The following BMPER variants were observed in gnomAD, a reference collection of about 807,000 sequenced individuals.
BMPER encodes the protein BMP-binding endothelial regulator protein.
Under a neutral mutation model 87.3 loss-of-function variants are expected in BMPER, and 45 were observed. The ratio of observed to expected loss-of-function variants is 0.52; its 90% CI spans 0.41 to 0.66. The LOEUF is 0.66. Ranked by LOEUF, BMPER falls within the 30% of genes least tolerant of loss-of-function variation. The pLI, the probability that BMPER is intolerant of heterozygous loss-of-function variation, is 0.00. For missense variants in BMPER, 784 were observed against 867.5 expected (o/e 0.90, Z 1.21); for synonymous variants, 326 against 316.2 (o/e 1.03, Z -0.33).
At chr7:34,023,874 T>C (rs920647076) in intron 6 of BMPER, among the ~76,000 whole-genome samples, 1 of 152,034 alleles carries the variant, frequency 6.6e-6, no homozygotes, top group East Asian at 1.9e-4. Flanking sequence ...ATTCACTTAA[T>C]GAAGCAGACC....
chr7:33,937,538 A>ATGTG, intron 3 of BMPER, 150 bp downstream of exon 3: 1 of 369,232 alleles, frequency 2.7e-6, no homozygotes, highest in South Asian at 3.6e-5. Context: ...GTGTGTGTGT[A>ATGTG]TGTGTGTGTT....
At chr7:34,111,424 G>T (rs1789959452) in intron 13 of BMPER, among the ~76,000 whole-genome samples, 4 of 152,222 alleles carry the variant, frequency 2.6e-5, no homozygotes, top group Non-Finnish European at 5.9e-5. Flanking sequence ...CAATTGGGTT[G>T]TCAAGACTTT....
At chr7:34,100,099 A>C (rs888739780) in intron 13 of BMPER, among the ~76,000 whole-genome samples, 1 of 152,094 alleles carries the variant, frequency 6.6e-6, no homozygotes, top group Non-Finnish European at 1.5e-5. Flanking sequence ...TTTGAGCCCT[A>C]TTAAATGCTA....
chr7:34,114,635 G>C (rs1439814347), intron 13 of BMPER, among the ~76,000 whole-genome samples: 1 of 152,214 alleles, frequency 6.6e-6, no homozygotes, highest in Non-Finnish European at 1.5e-5. Context: ...AGTGCAAAAT[G>C]TCATGAGGAA....
chr7:33,906,675 G>A, intron 1 of BMPER, 143 bp from the exon 2 acceptor site: 1 of 747,358 alleles, frequency 1.3e-6, no homozygotes. Context: ...GTTTTGCTTT[G>A]GTGAATTTAA....
At chr7:34,009,784 G>C (rs912969320) in intron 6 of BMPER, among the ~76,000 whole-genome samples, 8 of 151,882 alleles carry the variant, frequency 5.3e-5, no homozygotes, top group African/African-American at 1.7e-4. Flanking sequence ...GCAAGTTTCA[G>C]GCTTTATCTC....
chr7:33,909,477 A>C (rs1175036751), intron 2 of BMPER, among the ~76,000 whole-genome samples: 3 of 152,186 alleles, frequency 2.0e-5, no homozygotes, highest in Admixed American at 2.0e-4. Flanking sequence ...ATATGAAAGG[A>C]AAATCTCGTT....
At chr7:33,916,909 GA>G (rs1165705879) in intron 2 of BMPER, among the ~76,000 whole-genome samples, 1 of 152,164 alleles carries the variant, frequency 6.6e-6, no homozygotes, top group East Asian at 1.9e-4. Context: ...GATTCTCCCA[GA>G]AAGTTTATCA....
At chr7:33,947,696 C>T (rs11486837) in intron 3 of BMPER, among the ~76,000 whole-genome samples, 2,072 of 152,268 alleles carry the variant, frequency 0.014, 54 homozygotes, top group African/African-American at 0.045. Context: ...GAATTGAGCT[C>T]ATGTCTGTAG....
At chr7:33,909,980 G>A (rs981677685) in intron 2 of BMPER, among the ~76,000 whole-genome samples, 1 of 152,184 alleles carries the variant, frequency 6.6e-6, no homozygotes, top group East Asian at 1.9e-4. Flanking sequence ...GTAGACCTGA[G>A]CATCTTGCCA....
intron 10 of BMPER, 70 bp from the exon 11 acceptor site, chr7:34,061,932 T>C: frequency 7.8e-7 from 1 of 1,283,172 alleles, no homozygotes; most frequent in Admixed American, 2.1e-5. Context: ...AAAAAGATAT[T>C]TGTCCTCAGG....
At chr7:33,916,759 C>T (rs912845240) in intron 2 of BMPER, among the ~76,000 whole-genome samples, 6 of 152,202 alleles carry the variant, frequency 3.9e-5, no homozygotes, top group Non-Finnish European at 8.8e-5. Context: ...GTGGTCATCT[C>T]TGTCAGCTCC....
rs59791505 is a variant in BMPER, at chr7:34,031,927, T to TACAC, written c.577-14365_577-14362dup. On this transcript the variant is annotated intron_variant, in intron 6 of 14. Transcript: ENST00000649409. ...ATATATATATATATATATATATATA[T>TACAC]ACACACACACACACACATATATATA... Among the ~76,000 whole-genome samples, 491 of 55,370 alleles carry TACAC rather than the reference T, an allele frequency of 8.9e-3. 9 individuals carry two copies. Among genetic ancestry groups the TACAC allele is most frequent in the Middle Eastern group, 0.038 (3 of 78 alleles). The allele number at this position is 55,370 out of a possible 152,430, so 36.3% of individuals were successfully genotyped here. A position where few individuals can be genotyped will look rare whatever the true frequency, so the allele number is the denominator to read the frequency against.
rs960016051 is a variant in BMPER, at chr7:34,060,404, C to T, written c.1033-1598C>T. 2.0e-5 allele frequency among the ~76,000 whole-genome samples: 3 copies of T among 152,272 alleles called. No homozygotes were observed. The East Asian group carries it at 5.8e-4, about 29-fold the overall frequency. On this transcript the variant is annotated intron_variant, in intron 10 of 14. Transcript: ENST00000649409. ...ATTTGGCTTCATCTGCAACTGCTTT[C>T]AGTCTTGAGAAACCAAAAGAGACCC...
intron 2 of BMPER, among the ~76,000 whole-genome samples, chr7:33,933,715 G>A (rs867139055): frequency 2.1e-4 from 32 of 152,238 alleles, no homozygotes; most frequent in African/African-American, 6.7e-4. Flanking sequence ...CTCTGCTTTC[G>A]TTAGAGAGTT....
At chr7:34,062,106 C>G in intron 11 of BMPER, 59 bp downstream of exon 11, 2 of 1,473,688 alleles carry the variant, frequency 1.4e-6, no homozygotes, top group Non-Finnish European at 1.9e-6. Flanking sequence ...TATAGTGCAA[C>G]AAGAAAAATA....
At chr7:33,989,385 C>A (rs1786125319) in intron 6 of BMPER, among the ~76,000 whole-genome samples, 1 of 151,912 alleles carries the variant, frequency 6.6e-6, no homozygotes, top group African/African-American at 2.4e-5. Context: ...AGCTTTTTTT[C>A]ATGTGTTTTT....
In BMPER at chr7:34,046,395, C is replaced by A. The variant is rs201438246; in HGVS notation, c.666C>A (p.Pro222=). 4 of 1,613,566 alleles carry A rather than the reference C, an allele frequency of 2.5e-6. No homozygotes were observed. Among genetic ancestry groups the A allele is most frequent in the African/African-American group, 2.7e-5 (2 of 74,888 alleles). Residue 222 remains proline, a synonymous_variant, in exon 7 of 15, where the codon CCC becomes CCA. Coordinates refer to ENST00000649409, the MANE Select transcript of BMPER (RefSeq NM_001365308.1). ...LSHIPPGQCC[P]KCLGQRKVFD... ...ACATACCCCCAGGACAGTGCTGCCC[C>A]AAATGTTTGGGTGAGTTACTATTTT...
intron 13 of BMPER, among the ~76,000 whole-genome samples, chr7:34,110,927 A>C (rs1789945772): frequency 6.6e-6 from 1 of 152,210 alleles, no homozygotes; most frequent in African/African-American, 2.4e-5. Context: ...GAACTCAAGA[A>C]CTTGTGTAGA....
Sources: allele counts gnomAD v4.1 joint callset (sites outside exome capture counted in the v4.1 genomes callset), GRCh38; gene constraint gnomAD v4.1.1; transcripts MANE v1.5; gene names NCBI Gene and HGNC (gene_info 2026-07-23, HGNC 2026-07-21).